The following CACNG3 variants were observed in gnomAD, a reference collection of about 807,000 sequenced individuals.
The protein encoded by CACNG3 is voltage-dependent calcium channel gamma-3 subunit.
CACNG3 carries 3 observed loss-of-function variants against 28.5 expected under a neutral mutation model. The observed-to-expected ratio is 0.11, with a 90% CI of 0.05 to 0.27. The LOEUF is 0.27. Ranked by LOEUF, CACNG3 falls within the 10% of genes least tolerant of loss-of-function variation. The probability of loss-of-function intolerance (pLI) is 1.00; values close to 1 mark genes in which losing one functional copy is unlikely to be tolerated. For synonymous variants in CACNG3, 174 were observed against 162.2 expected, an observed-to-expected ratio of 1.07 and a Z score of -0.55; for missense variants, 236 against 414.4, an observed-to-expected ratio of 0.57 and a Z score of 3.74.
chr16:24,289,205 C>A (rs956093882), intron 1 of CACNG3, among the ~76,000 whole-genome samples: 1 of 152,016 alleles, frequency 6.6e-6, no homozygotes, highest in African/African-American at 2.4e-5. Flanking sequence ...CCGATGAATT[C>A]GCCTTAGAAC....
intron 1 of CACNG3, among the ~76,000 whole-genome samples, chr16:24,278,766 G>C (rs1898783749): frequency 6.6e-6 from 1 of 152,166 alleles, no homozygotes; most frequent in Non-Finnish European, 1.5e-5. Context: ...CTTAGGCACA[G>C]AGAGGTTAAG....
At chr16:24,306,911 G>A (rs1008043169) in intron 1 of CACNG3, among the ~76,000 whole-genome samples, 4 of 152,082 alleles carry the variant, frequency 2.6e-5, no homozygotes, top group African/African-American at 4.8e-5. Flanking sequence ...TGTTTGACAC[G>A]GAGGGCAGGT....
At chr16:24,291,690 G>T (rs965306861) in intron 1 of CACNG3, among the ~76,000 whole-genome samples, 4 of 152,104 alleles carry the variant, frequency 2.6e-5, no homozygotes, top group Non-Finnish European at 5.9e-5. Flanking sequence ...CCCACTTACT[G>T]GGTGTGTGAT....
chr16:24,258,888 GA>G (rs1567428003), intron 1 of CACNG3, among the ~76,000 whole-genome samples: 4 of 152,064 alleles, frequency 2.6e-5, no homozygotes, highest in Middle Eastern at 3.2e-3. Flanking sequence ...TATGATCTAT[GA>G]AAAAAATATA....
intron 1 of CACNG3, among the ~76,000 whole-genome samples, chr16:24,280,820 T>TAAAA (rs1898815370): frequency 6.9e-5 from 1 of 14,412 alleles, no homozygotes; most frequent in Non-Finnish European, 1.3e-4. Context: ...AGAGTTTGTC[T>TAAAA]CAAAAAAAAA....
intron 1 of CACNG3, among the ~76,000 whole-genome samples, chr16:24,329,766 G>A (rs76649949): frequency 0.025 from 3,744 of 152,302 alleles, 136 homozygotes; most frequent in African/African-American, 0.075. Context: ...GGGCCACAGT[G>A]GCTCACGCCT....
intron 2 of CACNG3, among the ~76,000 whole-genome samples, chr16:24,349,545 C>G (rs1183430279): frequency 6.6e-6 from 1 of 152,206 alleles, no homozygotes; most frequent in Non-Finnish European, 1.5e-5. Flanking sequence ...GAGGGTTCCT[C>G]CCACTTTAAG....
intron 1 of CACNG3, among the ~76,000 whole-genome samples, chr16:24,316,611 TC>T (rs1192000784): frequency 2.0e-5 from 3 of 152,274 alleles, no homozygotes; most frequent in Admixed American, 6.5e-5. Flanking sequence ...CTGGGCACCT[TC>T]CCAGTCCTCC....
rs138236654 is a variant in CACNG3 at position 24,321,910 on chromosome 16, G to A, written c.212-24824G>A. ...ATTAAACATTATCATAGGTAGGTAC[G>A]TAGAGGAAAAATCAGTATAAATAGG... is the stretch of plus-strand genomic sequence containing the variant. On this transcript the variant is annotated intron_variant, in intron 1 of 3. Coordinates refer to ENST00000005284, the MANE Select transcript of CACNG3 (RefSeq NM_006539.4). Among the ~76,000 whole-genome samples the A allele has an allele frequency of 1.8e-4, 28 of 152,262 alleles. No homozygotes were observed. The East Asian group carries it at 2.7e-3, about 15-fold the overall frequency.
intron 3 of CACNG3, among the ~76,000 whole-genome samples, chr16:24,358,376 T>C (rs1169248107): frequency 1.3e-5 from 2 of 152,236 alleles, no homozygotes; most frequent in Non-Finnish European, 2.9e-5. Context: ...AAAATGAGTA[T>C]CATAACGGCC....
intron 1 of CACNG3, among the ~76,000 whole-genome samples, chr16:24,330,573 C>A (rs1358726391): frequency 6.6e-6 from 1 of 152,220 alleles, no homozygotes; most frequent in Admixed American, 6.5e-5. Context: ...GTTCTCAAAG[C>A]CTCTAATTCA....
intron 1 of CACNG3, among the ~76,000 whole-genome samples, chr16:24,340,865 C>G (rs536980746): frequency 1.7e-4 from 26 of 152,270 alleles, no homozygotes; most frequent in African/African-American, 5.8e-4. Flanking sequence ...CCTGTCCTCC[C>G]TCACCTGTAA....
chr16:24,283,587 C>T (rs918382794), intron 1 of CACNG3, among the ~76,000 whole-genome samples: 1 of 152,176 alleles, frequency 6.6e-6, no homozygotes, highest in Admixed American at 6.5e-5. Flanking sequence ...TAGTGAATTT[C>T]ATTTGCTTTT....
chr16:24,317,648 A>AAAAGAAAGAAAG (rs1158587996), intron 1 of CACNG3, among the ~76,000 whole-genome samples: 849 of 55,434 alleles, frequency 0.015, 29 homozygotes, highest in East Asian at 0.025. Flanking sequence ...GAAAGAAAAG[A>AAAAGAAAGAAAG]AAAGAAAGAA....
At chr16:24,265,392 A>G (rs1427416085) in intron 1 of CACNG3, among the ~76,000 whole-genome samples, 3 of 150,176 alleles carry the variant, frequency 2.0e-5, no homozygotes, top group Admixed American at 6.7e-5. Context: ...GAAAAGAAAG[A>G]AGAAAGAAAG....
rs528334763 is a variant in CACNG3 at position 24,259,893 on chromosome 16, A to C, written c.211+2928A>C. Among the ~76,000 whole-genome samples the C allele has an allele frequency of 3.3e-5, 5 of 152,356 alleles. No individual in the cohort carries two copies. The East Asian group carries it at 7.7e-4, about 24-fold the overall frequency. On this transcript the variant is annotated intron_variant, in intron 1 of 3. Transcript: ENST00000005284. ...GATTCTCATGAGGAACTTTTAAAAA[A>C]TTAGATTATCAGGGGCTCCACAACT...
At chr16:24,260,834 G>C (rs1373203284) in intron 1 of CACNG3, among the ~76,000 whole-genome samples, 2 of 152,206 alleles carry the variant, frequency 1.3e-5, no homozygotes, top group African/African-American at 4.8e-5. Context: ...TCATTAACTG[G>C]AAAGCACGGG....
intron 1 of CACNG3, among the ~76,000 whole-genome samples, chr16:24,281,195 G>GTTGT (rs921030480): frequency 2.4e-4 from 37 of 152,012 alleles, no homozygotes; most frequent in Middle Eastern, 6.8e-3. Flanking sequence ...TTTTGTTGTT[G>GTTGT]TTGTTTGTTT....
intron 1 of CACNG3, among the ~76,000 whole-genome samples, chr16:24,306,526 C>T (rs1461827166): frequency 1.3e-5 from 2 of 152,162 alleles, no homozygotes; most frequent in African/African-American, 2.4e-5. Flanking sequence ...GTATCTCCTT[C>T]GCCCACTTCT....
Sources: gnomAD v4.1 joint callset for allele counts (sites outside exome capture counted in the v4.1 genomes callset) on GRCh38, gnomAD v4.1.1 for gene constraint, MANE v1.5 for transcripts, NCBI Gene and HGNC (gene_info 2026-07-23, HGNC 2026-07-21) for gene names.